The following RABGAP1 variants were observed in gnomAD, a reference collection of about 807,000 sequenced individuals.
The protein encoded by RABGAP1 is rab GTPase-activating protein 1.
In RABGAP1, 23 loss-of-function variants were observed where a neutral mutation model predicts 137.6. That is an observed-to-expected ratio of 0.17 (90% CI 0.12 to 0.24). The LOEUF is 0.24. Among genes scored for constraint, RABGAP1 ranks in the 10% least tolerant of loss-of-function variants. The pLI is 1.00. For missense variants in RABGAP1, 906 were observed against 1,275.8 expected (o/e 0.71, Z 4.42); for synonymous variants, 451 against 450.7 (o/e 1.00, Z -0.01).
the RABGAP1 span, among the ~76,000 whole-genome samples, chr9:122,935,541 A>G: frequency 7.9e-5 from 12 of 152,140 alleles, no homozygotes; most frequent in East Asian, 1.4e-3. Context: ...AGTTTCACCA[A>G]TATTGGTCAG....
chr9:123,076,361 T>C (rs1188921741), intron 18 of RABGAP1, 75 bp downstream of exon 18: 1 of 1,496,908 alleles, frequency 6.7e-7, no homozygotes, highest in South Asian at 1.2e-5. Flanking sequence ...TGTAGTCTCA[T>C]TCTGAGCAGT....
At chr9:123,030,240 G>C (rs1220933847) in intron 13 of RABGAP1, among the ~76,000 whole-genome samples, 1 of 152,162 alleles carries the variant, frequency 6.6e-6, no homozygotes, top group Non-Finnish European at 1.5e-5. Flanking sequence ...ACTGTCTGAA[G>C]GAATGTTGCT....
chr9:122,953,696 C>T (rs1464177019), intron 1 of RABGAP1, among the ~76,000 whole-genome samples: 1 of 152,168 alleles, frequency 6.6e-6, no homozygotes, highest in Non-Finnish European at 1.5e-5. Flanking sequence ...ACTGCGCCCG[C>T]CCGGAACCAG....
chr9:122,967,603 T>G (rs1835231315), intron 2 of RABGAP1, among the ~76,000 whole-genome samples: 1 of 152,222 alleles, frequency 6.6e-6, no homozygotes, highest in Non-Finnish European at 1.5e-5. Flanking sequence ...TTGAAAATTT[T>G]CTTGTAAACT....
intron 1 of RABGAP1, among the ~76,000 whole-genome samples, chr9:122,947,691 G>A (rs1834015460): frequency 6.6e-6 from 1 of 152,136 alleles, no homozygotes; most frequent in Non-Finnish European, 1.5e-5. Context: ...TTTTAGATAA[G>A]CTAGTTTTTC....
intron 13 of RABGAP1, among the ~76,000 whole-genome samples, chr9:123,043,393 C>CATGGTGAG (rs2033046516): frequency 6.6e-6 from 1 of 151,872 alleles, no homozygotes; most frequent in Admixed American, 6.6e-5. Context: ...GGATTTTCAC[C>CATGGTGAG]ATGGTGAGAA....
chr9:123,028,644 T>A (rs1295693770), intron 13 of RABGAP1, among the ~76,000 whole-genome samples: 1 of 152,204 alleles, frequency 6.6e-6, no homozygotes, highest in East Asian at 1.9e-4. Context: ...AGGGAACAGA[T>A]CTTTGAAAGC....
intron 21 of RABGAP1, among the ~76,000 whole-genome samples, chr9:123,092,016 C>T (rs1458360657): frequency 1.3e-5 from 2 of 151,852 alleles, no homozygotes; most frequent in Non-Finnish European, 2.9e-5. Flanking sequence ...TCATAACAGC[C>T]ATGGGTCATG....
At chr9:123,089,202 A>C (rs2034963258) in intron 19 of RABGAP1, among the ~76,000 whole-genome samples, 1 of 152,106 alleles carries the variant, frequency 6.6e-6, no homozygotes, top group East Asian at 1.9e-4. Context: ...AGGAGAGAGG[A>C]AAGGGAGGGG....
rs1009899918 is a variant in RABGAP1 at position 123,090,339 on chromosome 9, A to G, written c.2582A>G (p.His861Arg). 1.2e-6 allele frequency: 2 copies of G among 1,613,584 alleles called. No homozygotes were observed. The highest frequency in any genetic ancestry group is 1.7e-6 in the Non-Finnish European group (2 of 1,179,834). ...RLEQENDDLA[H>R]ELVTSKIALR... is the part of the protein sequence containing the mutation. ...GAACAGGAAAACGATGACTTAGCCC[A>G]TGAGCTGGTGACCAGCAAGATTGCA... is the stretch of plus-strand genomic sequence containing the variant. Residue 861 changes from histidine (H) to arginine (R), a missense_variant, in exon 21 of 26, where the codon CAT becomes CGT. His to Arg is a conservative substitution (Grantham distance 29). Coordinates refer to ENST00000373647, the MANE Select transcript of RABGAP1 (RefSeq NM_012197.4).
intron 7 of RABGAP1, 184 bp downstream of exon 7, chr9:122,996,335 G>C: frequency 8.3e-7 from 1 of 1,202,862 alleles, no homozygotes; most frequent in Non-Finnish European, 1.1e-6. Flanking sequence ...CAGCTAATAC[G>C]CTCTCTTCAA....
chr9:123,094,819 A>G lies in RABGAP1; in HGVS notation c.2629-2922A>G, dbSNP rs77846940. 8.3e-3 allele frequency among the ~76,000 whole-genome samples: 1,267 copies of G among 152,320 alleles called. 14 individuals carry two copies. The highest frequency in any genetic ancestry group is 0.022 in the South Asian group (105 of 4,826). The stretch of plus-strand genomic sequence containing the variant: ...CTTTTTCTTTTCTAGATATGGAGCT[A>G]TGCAAATTTTCTAATTTTTCGTGTG... On this transcript the variant is annotated intron_variant, in intron 21 of 25. Coordinates refer to ENST00000373647, the MANE Select transcript of RABGAP1 (RefSeq NM_012197.4).
At chr9:122,953,191 T>C (rs1002745606) in intron 1 of RABGAP1, among the ~76,000 whole-genome samples, 1 of 152,264 alleles carries the variant, frequency 6.6e-6, no homozygotes, top group Admixed American at 6.5e-5. Context: ...CTTAAATCAG[T>C]TAATAACTGT....
chr9:123,009,827 G>A (rs1286333754), intron 10 of RABGAP1, among the ~76,000 whole-genome samples: 1 of 152,088 alleles, frequency 6.6e-6, no homozygotes, highest in Non-Finnish European at 1.5e-5. Flanking sequence ...GCTTTCAGTT[G>A]AAGAAAAAGT....
intron 2 of RABGAP1, among the ~76,000 whole-genome samples, chr9:122,973,448 G>A (rs904121844): frequency 1.3e-5 from 2 of 151,980 alleles, no homozygotes; most frequent in African/African-American, 4.8e-5. Context: ...GTGTTAGCCA[G>A]GATGGTCTCG....
Position 122,989,284 on chromosome 9 carries a change from T to G in RABGAP1, c.591-13T>G. The G allele has an allele frequency of 6.2e-7, 1 of 1,604,072 alleles. No individual in the cohort carries two copies. The highest frequency in any genetic ancestry group is 2.2e-5 in the East Asian group (1 of 44,788). On this transcript the variant is annotated splice_polypyrimidine_tract_variant and intron_variant, in intron 4 of 25. Transcript: ENST00000373647. ...AATTCCTGTAATCTCTCTGTATCTT[T>G]TTCTCTGAACAGACTCTTAGATCCT...
At chr9:123,005,299 T>C (rs867731682) in intron 10 of RABGAP1, among the ~76,000 whole-genome samples, 276 of 139,808 alleles carry the variant, frequency 2.0e-3, no homozygotes, top group Middle Eastern at 7.0e-3. Flanking sequence ...TTTTTTTTTT[T>C]CCTTTTTTTT....
At chr9:123,029,148 A>G (rs1263972133) in intron 13 of RABGAP1, among the ~76,000 whole-genome samples, 1 of 152,162 alleles carries the variant, frequency 6.6e-6, no homozygotes, top group Admixed American at 6.5e-5. Flanking sequence ...TTTCAGAGGT[A>G]GAGTCCTTGG....
chr9:123,009,156 G>C (rs542869704), intron 10 of RABGAP1, among the ~76,000 whole-genome samples: 1 of 152,172 alleles, frequency 6.6e-6, no homozygotes, highest in Non-Finnish European at 1.5e-5. Context: ...TTATTGCCTG[G>C]CTGCTTTTGC....
Sources: gnomAD v4.1 joint callset for allele counts (sites outside exome capture counted in the v4.1 genomes callset) on GRCh38, gnomAD v4.1.1 for gene constraint, MANE v1.5 for transcripts, NCBI Gene and HGNC (gene_info 2026-07-23, HGNC 2026-07-21) for gene names.